The following STXBP5L variants were observed in gnomAD, a reference collection of about 807,000 sequenced individuals.
STXBP5L encodes the protein syntaxin binding protein 5L.
Under a neutral mutation model 144.5 loss-of-function variants are expected in STXBP5L, and 65 were observed. The ratio of observed to expected loss-of-function variants is 0.45; its 90% CI spans 0.37 to 0.55. The LOEUF (loss-of-function observed/expected upper bound fraction) is 0.55. Among genes scored for constraint, STXBP5L ranks in the 20% least tolerant of loss-of-function variants. The probability of loss-of-function intolerance (pLI) is 0.00; values close to 1 mark genes in which losing one functional copy is unlikely to be tolerated. For missense variants in STXBP5L, 1,298 were observed against 1,405.5 expected, an observed-to-expected ratio of 0.92 and a Z score of 1.22; for synonymous variants, 505 against 469.6, an observed-to-expected ratio of 1.08 and a Z score of -0.97.
At chr3:121,255,416 T>A (rs1166772727) in intron 16 of STXBP5L, among the ~76,000 whole-genome samples, 1 of 152,086 alleles carries the variant, frequency 6.6e-6, no homozygotes, top group African/African-American at 2.4e-5. Flanking sequence ...TTCTCTTTGA[T>A]GTTACATGAG....
chr3:121,216,662 C>T (rs1488346726), intron 10 of STXBP5L, among the ~76,000 whole-genome samples: 1 of 152,182 alleles, frequency 6.6e-6, no homozygotes, highest in African/African-American at 2.4e-5. Flanking sequence ...GCATGGGTGT[C>T]AAGGGCCCAC....
At position 121,020,273 on chromosome 3, in the gene STXBP5L, G is replaced by A. The variant is rs143898234; in HGVS notation, c.288-21427G>A. Reference sequence around the variant, plus strand: ...CTCCAAGACGTTTGGGATGTTAAATGGTCAAACCGAAAAATATTGGTGTTC... The same window carrying A: ...CTCCAAGACGTTTGGGATGTTAAATAGTCAAACCGAAAAATATTGGTGTTC... On this transcript the variant is annotated intron_variant, in intron 3 of 26. Transcript: ENST00000471454. Among the ~76,000 whole-genome samples the A allele has an allele frequency of 2.5e-3, 385 of 152,152 alleles. 3 individuals are homozygous for A. Among genetic ancestry groups the A allele is most frequent in the African/African-American group, 8.6e-3 (359 of 41,534 alleles).
intron 5 of STXBP5L, among the ~76,000 whole-genome samples, chr3:121,093,527 C>G (rs1211791736): frequency 6.6e-6 from 1 of 152,164 alleles, no homozygotes; most frequent in African/African-American, 2.4e-5. Context: ...AGGAATTTAT[C>G]CATTTCTTCT....
intron 5 of STXBP5L, among the ~76,000 whole-genome samples, chr3:121,076,972 C>T (rs1324187589): frequency 6.6e-6 from 1 of 152,146 alleles, no homozygotes; most frequent in Non-Finnish European, 1.5e-5. Context: ...GGACTGTATG[C>T]AGTGTCCTAG....
At chr3:120,964,349 A>T (rs1030656779) in intron 3 of STXBP5L, among the ~76,000 whole-genome samples, 2 of 151,896 alleles carry the variant, frequency 1.3e-5, no homozygotes, top group Admixed American at 6.6e-5. Flanking sequence ...TTCTCTAGTT[A>T]TATTAAGTGT....
chr3:121,129,053 G>T (rs924264404), intron 7 of STXBP5L, among the ~76,000 whole-genome samples: 10 of 151,904 alleles, frequency 6.6e-5, no homozygotes, highest in African/African-American at 2.4e-4. Flanking sequence ...AGCAATTATG[G>T]TCCTCCAGTT....
At chr3:120,985,860 A>T (rs988353555) in intron 3 of STXBP5L, among the ~76,000 whole-genome samples, 2 of 151,798 alleles carry the variant, frequency 1.3e-5, no homozygotes, top group African/African-American at 4.8e-5. Flanking sequence ...TCATCTTTCC[A>T]AAGAACCAAC....
chr3:120,974,038 G>C (rs565644868), intron 3 of STXBP5L, among the ~76,000 whole-genome samples: 7 of 151,998 alleles, frequency 4.6e-5, no homozygotes, highest in Non-Finnish European at 1.0e-4. Context: ...ATGATTTATA[G>C]TCCTTTGGGT....
intron 2 of STXBP5L, among the ~76,000 whole-genome samples, chr3:120,935,486 A>G (rs1480184272): frequency 1.3e-5 from 2 of 151,896 alleles, no homozygotes; most frequent in East Asian, 3.9e-4. Context: ...GTATAGATCT[A>G]CGTTTCTGAC....
chr3:121,037,006 A>G (rs1197625286), intron 3 of STXBP5L, among the ~76,000 whole-genome samples: 1 of 151,948 alleles, frequency 6.6e-6, no homozygotes, highest in African/African-American at 2.4e-5. Flanking sequence ...AGCTCACTAA[A>G]GCCTCAAACT....
intron 18 of STXBP5L, among the ~76,000 whole-genome samples, chr3:121,260,070 T>C (rs550986437): frequency 6.6e-6 from 1 of 152,242 alleles, no homozygotes; most frequent in Non-Finnish European, 1.5e-5. Context: ...CCACCAATGT[T>C]TAGAATGTCT....
intron 3 of STXBP5L, among the ~76,000 whole-genome samples, chr3:121,004,911 A>G (rs1352466641): frequency 6.6e-6 from 1 of 152,166 alleles, no homozygotes; most frequent in East Asian, 1.9e-4. Context: ...CCACTTGATC[A>G]TGGTGGATAA....
intron 15 of STXBP5L, among the ~76,000 whole-genome samples, chr3:121,251,792 A>G (rs1027414685): frequency 1.2e-4 from 18 of 152,184 alleles, no homozygotes; most frequent in African/African-American, 4.3e-4. Flanking sequence ...TTGAATATTG[A>G]TGATACTCTT....
chr3:121,101,722 G>T (rs2043436640), intron 5 of STXBP5L, among the ~76,000 whole-genome samples: 1 of 152,064 alleles, frequency 6.6e-6, no homozygotes, highest in Non-Finnish European at 1.5e-5. Context: ...AGTACTGGAA[G>T]TCCTACCCAG....
chr3:121,157,765 A>G, intron 9 of STXBP5L, 138 bp downstream of exon 9: 1 of 1,142,424 alleles, frequency 8.8e-7, no homozygotes, highest in Non-Finnish European at 1.2e-6. Flanking sequence ...CTTTTATACC[A>G]CCTACAGATC....
chr3:121,184,665 C>A (rs1024892386), intron 9 of STXBP5L, among the ~76,000 whole-genome samples: 1 of 152,066 alleles, frequency 6.6e-6, no homozygotes, highest in Non-Finnish European at 1.5e-5. Context: ...AGGAGAACTT[C>A]CCCAACCTAG....
At chr3:121,196,472 C>G (rs745998287) in intron 9 of STXBP5L, among the ~76,000 whole-genome samples, 4 of 151,994 alleles carry the variant, frequency 2.6e-5, no homozygotes, top group Non-Finnish European at 5.9e-5. Context: ...AAACGGAGGT[C>G]TTTCCTTTTA....
At chr3:121,053,515 G>T (rs892032403) in intron 5 of STXBP5L, among the ~76,000 whole-genome samples, 2 of 152,174 alleles carry the variant, frequency 1.3e-5, no homozygotes, top group African/African-American at 4.8e-5. Context: ...TTAATAAATG[G>T]TGCTGGGAAA....
intron 19 of STXBP5L, among the ~76,000 whole-genome samples, chr3:121,283,510 G>A (rs1402574162): frequency 6.6e-6 from 1 of 151,928 alleles, no homozygotes; most frequent in Non-Finnish European, 1.5e-5. Flanking sequence ...AAGCTTATTT[G>A]ATACTATGAT....
Sources: gnomAD v4.1 joint callset for allele counts (sites outside exome capture counted in the v4.1 genomes callset) on GRCh38, gnomAD v4.1.1 for gene constraint, MANE v1.5 for transcripts, NCBI Gene and HGNC (gene_info 2026-07-23, HGNC 2026-07-21) for gene names.